Variants in TRPM3 observed in about 807,000 individuals in gnomAD.
TRPM3 encodes the protein long transient receptor potential channel 3.
TRPM3 carries 77 observed loss-of-function variants against 181.2 expected under a neutral mutation model. The ratio of observed to expected loss-of-function variants is 0.42; its 90% CI spans 0.35 to 0.51. TRPM3 has a LOEUF of 0.51. Ranked by LOEUF, TRPM3 falls within the 20% of genes least tolerant of loss-of-function variation. The probability of loss-of-function intolerance (pLI) is 0.01; values close to 1 mark genes in which losing one functional copy is unlikely to be tolerated. For synonymous variants in TRPM3, 745 were observed against 796.4 expected (o/e 0.94, Z 1.09); for missense variants, 1,759 against 2,196.7 (o/e 0.80, Z 3.98).
At chr9:70,668,773 G>A (rs2134034872) in intron 9 of TRPM3, among the ~76,000 whole-genome samples, 1 of 149,232 alleles carries the variant, frequency 6.7e-6, no homozygotes, top group South Asian at 2.1e-4. Context: ...TTCATGCTTA[G>A]CCAGGAGGAA....
intron 1 of TRPM3, among the ~76,000 whole-genome samples, chr9:71,142,420 G>A (rs72731790): frequency 0.036 from 5,420 of 152,176 alleles, 159 homozygotes; most frequent in Non-Finnish European, 0.052. Flanking sequence ...AGACTGGAAA[G>A]GAGAAACAGA....
At chr9:70,901,376 C>T (rs1328159935) in intron 1 of TRPM3, among the ~76,000 whole-genome samples, 2 of 152,036 alleles carry the variant, frequency 1.3e-5, no homozygotes, top group Non-Finnish European at 2.9e-5. Flanking sequence ...GAAAGGCACA[C>T]ATTCTAAAGG....
chr9:71,210,115 A>G (rs539918096), intron 1 of TRPM3, among the ~76,000 whole-genome samples: 43 of 152,292 alleles, frequency 2.8e-4, no homozygotes, highest in African/African-American at 1.0e-3. Context: ...CATGGCTCAC[A>G]TTACTGCCTA....
chr9:70,921,606 G>A (rs1034344323), intron 1 of TRPM3, among the ~76,000 whole-genome samples: 4 of 152,178 alleles, frequency 2.6e-5, no homozygotes, highest in African/African-American at 9.7e-5. Flanking sequence ...GAGTCTCTAA[G>A]TAGCTCAAAG....
intron 1 of TRPM3, among the ~76,000 whole-genome samples, chr9:71,060,491 T>A (rs1025257962): frequency 1.3e-5 from 2 of 152,120 alleles, no homozygotes; most frequent in Non-Finnish European, 2.9e-5. Flanking sequence ...ATTCAACAAG[T>A]AGAAGCACTA....
chr9:70,804,171 GA>G (rs1287898957), intron 6 of TRPM3, among the ~76,000 whole-genome samples: 1 of 151,132 alleles, frequency 6.6e-6, no homozygotes, highest in East Asian at 2.0e-4. Flanking sequence ...GTTCTACAAA[GA>G]AAAAAAAATT....
intron 1 of TRPM3, among the ~76,000 whole-genome samples, chr9:71,066,137 T>C (rs200146919): frequency 6.6e-6 from 1 of 150,716 alleles, no homozygotes; most frequent in South Asian, 2.1e-4. Context: ...TTCCTACCTA[T>C]ATGTTTAAAG....
Position 71,215,033 on chromosome 9 carries a change from CAA to C in TRPM3, c.183+231618_183+231619del, listed in dbSNP as rs67349189. Among the ~76,000 whole-genome samples the C allele has an allele frequency of 1.8e-3, 187 of 105,856 alleles. 4 individuals carry two copies. Among genetic ancestry groups the C allele is most frequent in the African/African-American group, 4.8e-3 (121 of 25,116 alleles). The allele number at this position is 105,856 out of a possible 152,430, so 69.4% of individuals were successfully genotyped here. A position where few individuals can be genotyped will look rare whatever the true frequency, so the allele number is the denominator to read the frequency against. ...CTGTTCACTCTGCCTCACCAAAAAA[CAA>C]AAAAAAAAAAACAAAAAAAAAAAAA... On this transcript the variant is annotated intron_variant, in intron 1 of 24. Transcript: ENST00000357533.
intron 1 of TRPM3, among the ~76,000 whole-genome samples, chr9:71,048,335 T>C (rs1343407378): frequency 6.6e-6 from 1 of 152,204 alleles, no homozygotes; most frequent in Non-Finnish European, 1.5e-5. Context: ...ATCACCTACC[T>C]CATTTTATGT....
rs778589801 is a variant in TRPM3, at chr9:71,121,173, A to C, written c.177+5T>G. 8 of 1,610,902 alleles carry C rather than the reference A, an allele frequency of 5.0e-6. No individual in the cohort carries two copies. Among genetic ancestry groups the C allele is most frequent in the Non-Finnish European group, 6.8e-6 (8 of 1,178,954 alleles). On this transcript the variant is annotated splice_donor_5th_base_variant and intron_variant, in intron 1 of 25. Transcript: ENST00000677713. ...AGCGCCATTCAAAGCTGCAAGTTAC[A>C]GTACCTTCAGAAGTCTGACAGATGG...
At chr9:70,956,663 T>A (rs2133766567) in intron 1 of TRPM3, among the ~76,000 whole-genome samples, 1 of 152,090 alleles carries the variant, frequency 6.6e-6, no homozygotes. Flanking sequence ...GTGGGAGGAT[T>A]TCTTTGAGGC....
chr9:71,224,059 T>C (rs185468202), intron 1 of TRPM3, among the ~76,000 whole-genome samples: 350 of 152,288 alleles, frequency 2.3e-3, no homozygotes, highest in African/African-American at 8.1e-3. Flanking sequence ...AATAGCCCAG[T>C]AGTGGCTACA....
intron 3 of TRPM3, among the ~76,000 whole-genome samples, chr9:70,860,215 G>T (rs1043298332): frequency 1.3e-5 from 2 of 152,140 alleles, no homozygotes; most frequent in Non-Finnish European, 2.9e-5. Context: ...CTGCTTTATA[G>T]ATAAGAAAAC....
chr9:71,104,592 A>T (rs183682966), intron 1 of TRPM3, among the ~76,000 whole-genome samples: 87 of 152,344 alleles, frequency 5.7e-4, no homozygotes, highest in Non-Finnish European at 7.9e-4. Flanking sequence ...ATTACTGAAG[A>T]TTAAACAACG....
chr9:71,127,149 T>C (rs891829872), intron 1 of TRPM3, among the ~76,000 whole-genome samples: 1 of 152,112 alleles, frequency 6.6e-6, no homozygotes, highest in African/African-American at 2.4e-5. Flanking sequence ...CTCTTAATCC[T>C]CTGGAATCTC....
chr9:71,104,213 C>T (rs543732762), intron 1 of TRPM3, among the ~76,000 whole-genome samples: 1 of 152,076 alleles, frequency 6.6e-6, no homozygotes. Context: ...ACCATGCCCA[C>T]CCCATTTAGC....
chr9:70,779,470 G>T (rs749749923), intron 7 of TRPM3, among the ~76,000 whole-genome samples: 2 of 152,126 alleles, frequency 1.3e-5, no homozygotes, highest in Non-Finnish European at 2.9e-5. Flanking sequence ...TTTTCACACT[G>T]ACTTTTTTTA....
chr9:71,080,264 A>AC (rs1022513917), intron 1 of TRPM3, among the ~76,000 whole-genome samples: 1 of 152,070 alleles, frequency 6.6e-6, no homozygotes, highest in Non-Finnish European at 1.5e-5. Flanking sequence ...TTGGAACGAG[A>AC]CAACAGTAAC....
chr9:70,599,935 G>A (rs552524978), intron 20 of TRPM3, among the ~76,000 whole-genome samples: 1 of 152,238 alleles, frequency 6.6e-6, no homozygotes, highest in South Asian at 2.1e-4. Flanking sequence ...CTGAAACTCT[G>A]AGGGCAGACC....
Sources: gnomAD v4.1 joint callset for allele counts (sites outside exome capture counted in the v4.1 genomes callset) on GRCh38, gnomAD v4.1.1 for gene constraint, MANE v1.5 for transcripts, NCBI Gene and HGNC (gene_info 2026-07-23, HGNC 2026-07-21) for gene names.